Variants in PAK3 observed in about 807,000 individuals in gnomAD.
PAK3 encodes p21 (RAC1) activated kinase 3.
In PAK3, 4 loss-of-function variants were observed where a neutral mutation model predicts 41.0. The ratio of observed to expected loss-of-function variants is 0.10; its 90% CI spans 0.05 to 0.22. The LOEUF is 0.22. Ranked by LOEUF, PAK3 falls within the 10% of genes least tolerant of loss-of-function variation. The pLI is 1.00. For synonymous variants in PAK3, 146 were observed against 139.6 expected (o/e 1.05, Z -0.32); for missense variants, 205 against 409.9 (o/e 0.50, Z 4.32).
At chrX:111,044,292 A>T (rs2092478028) in intron 1 of PAK3, among the ~76,000 whole-genome samples, 1 of 112,162 alleles carries the variant, frequency 8.9e-6, no homozygotes. Context: ...ATGAAGAAGT[A>T]TTATTTCCCC....
intron 7 of PAK3, among the ~76,000 whole-genome samples, chrX:111,149,255 G>C (rs746405557): frequency 8.9e-6 from 1 of 111,841 alleles, no homozygotes; most frequent in South Asian, 3.8e-4. Context: ...GCAGGGTCCA[G>C]CCTCCCTCCC....
chrX:111,219,154 C>T (rs2094906079), intron 17 of PAK3, among the ~76,000 whole-genome samples: 1 of 105,761 alleles, frequency 9.5e-6, no homozygotes, highest in African/African-American at 3.4e-5. Flanking sequence ...TGTGCCACTG[C>T]ACTCCAGCCT....
intron 16 of PAK3, among the ~76,000 whole-genome samples, chrX:111,207,491 G>A (rs763910477): frequency 3.0e-4 from 33 of 111,470 alleles, no homozygotes; most frequent in Non-Finnish European, 5.5e-4. Flanking sequence ...TTATAATGGA[G>A]CTGAAAAATT....
At chrX:111,210,486 C>A (rs1460954455) in intron 16 of PAK3, among the ~76,000 whole-genome samples, 3 of 111,374 alleles carry the variant, frequency 2.7e-5, no homozygotes, top group Non-Finnish European at 5.7e-5. Flanking sequence ...CATGCCAGGC[C>A]TGTTCAGCTC....
rs559060720 is a variant in PAK3, at chrX:111,135,318, G to T, written c.176-6778G>T. On this transcript the variant is annotated intron_variant, in intron 5 of 17. Transcript: ENST00000372007. ...TTTGATAGAGAAAAGCACTTAATTA[G>T]TTAGATAATTAATGAAATAATTAGG... 4.7e-4 allele frequency among the ~76,000 whole-genome samples: 52 copies of T among 111,774 alleles called. No homozygotes were observed. The South Asian group carries it at 0.02, about 42-fold the overall frequency.
chrX:110,970,451 C>T (rs1041173349), intron 1 of PAK3, among the ~76,000 whole-genome samples: 2 of 111,354 alleles, frequency 1.8e-5, no homozygotes, highest in African/African-American at 6.5e-5. Flanking sequence ...TTTGCAGGGA[C>T]CTGGAGGAAA....
At chrX:111,016,691 A>C (rs995366526) in intron 1 of PAK3, among the ~76,000 whole-genome samples, 15 of 105,119 alleles carry the variant, frequency 1.4e-4, no homozygotes, top group Non-Finnish European at 2.3e-4. Flanking sequence ...TGCATTACTT[A>C]TCTCACATAT....
intron 1 of PAK3, among the ~76,000 whole-genome samples, chrX:110,946,238 G>A (rs953107555): frequency 2.4e-4 from 27 of 111,196 alleles, no homozygotes; most frequent in Non-Finnish European, 2.8e-4. Flanking sequence ...AGAATGGCAT[G>A]TATGAAGGTA....
At chrX:111,023,242 T>G (rs1045380195) in intron 1 of PAK3, among the ~76,000 whole-genome samples, 7 of 112,026 alleles carry the variant, frequency 6.2e-5, no homozygotes, top group Non-Finnish European at 1.1e-4. Context: ...TATGGCTGCA[T>G]AGTATTCCAT....
At chrX:111,203,106 T>A (rs1406425116) in intron 16 of PAK3, among the ~76,000 whole-genome samples, 1 of 111,452 alleles carries the variant, frequency 9.0e-6, no homozygotes, top group Non-Finnish European at 1.9e-5. Flanking sequence ...TCAGGAAATG[T>A]CAAATATCAA....
At chrX:110,949,589 T>C (rs1438383841) in intron 1 of PAK3, among the ~76,000 whole-genome samples, 2 of 111,006 alleles carry the variant, frequency 1.8e-5, no homozygotes, top group Non-Finnish European at 3.8e-5. Flanking sequence ...CTAGGGTGAC[T>C]GGTAGAAGCT....
intron 7 of PAK3, among the ~76,000 whole-genome samples, chrX:111,149,104 C>A (rs2093990734): frequency 9.0e-6 from 1 of 111,396 alleles, no homozygotes; most frequent in African/African-American, 3.3e-5. Context: ...ATTACAGGGC[C>A]CATGCAAGTC....
chrX:110,958,976 A>G (rs1348070873), intron 1 of PAK3, among the ~76,000 whole-genome samples: 3 of 112,282 alleles, frequency 2.7e-5, no homozygotes, highest in Non-Finnish European at 5.6e-5. Flanking sequence ...ACTCAATGAT[A>G]TATATTATTT....
intron 4 of PAK3, among the ~76,000 whole-genome samples, chrX:111,122,613 A>T (rs985403681): frequency 2.7e-5 from 3 of 111,605 alleles, no homozygotes; most frequent in Non-Finnish European, 3.8e-5. Context: ...AACACCAAGG[A>T]CATCTCGATG....
At chrX:111,203,784 A>G (rs758065076) in intron 16 of PAK3, among the ~76,000 whole-genome samples, 9 of 112,114 alleles carry the variant, frequency 8.0e-5, no homozygotes, top group Non-Finnish European at 1.7e-4. Flanking sequence ...GTGGATTGGA[A>G]TGTCTGGGTT....
At chrX:110,998,068 T>C (rs746368552) in intron 1 of PAK3, among the ~76,000 whole-genome samples, 3 of 111,897 alleles carry the variant, frequency 2.7e-5, no homozygotes, top group Non-Finnish European at 5.6e-5. Context: ...CAGATGCCCA[T>C]TAGACATCCA....
intron 16 of PAK3, among the ~76,000 whole-genome samples, chrX:111,201,120 T>C (rs1270477211): frequency 1.8e-5 from 2 of 112,382 alleles, no homozygotes; most frequent in Admixed American, 9.4e-5. Context: ...TTACTCTAAC[T>C]TTGCTCATTA....
chrX:111,194,185 G>A (rs1419759131), intron 13 of PAK3, 116 bp from the exon 14 acceptor site: 1 of 569,358 alleles, frequency 1.8e-6, no homozygotes. Context: ...CCTTCTCAAA[G>A]GTAATGGGCA....
chrX:111,067,766 A>T (rs895021130), intron 1 of PAK3, among the ~76,000 whole-genome samples: 10 of 111,227 alleles, frequency 9.0e-5, no homozygotes, highest in Middle Eastern at 9.4e-3. Context: ...AAGCTGCTAG[A>T]TTCTATTTTT....
Sources: gnomAD v4.1 joint callset for allele counts (sites outside exome capture counted in the v4.1 genomes callset) on GRCh38, gnomAD v4.1.1 for gene constraint, MANE v1.5 for transcripts, NCBI Gene and HGNC (gene_info 2026-07-23, HGNC 2026-07-21) for gene names.